Variants in C8orf34 observed in about 807,000 individuals in gnomAD.
C8orf34 encodes the protein uncharacterized protein C8orf34.
A neutral mutation model predicts 68.3 loss-of-function variants in C8orf34; 65 were observed. The ratio of observed to expected loss-of-function variants is 0.95; its 90% CI spans 0.78 to 1.17. The LOEUF (loss-of-function observed/expected upper bound fraction) is 1.17. Among genes scored for constraint, C8orf34 ranks in the 50% most tolerant of loss-of-function variants. The pLI, the probability that C8orf34 is intolerant of heterozygous loss-of-function variation, is 0.00. For missense variants in C8orf34, 664 were observed against 655.4 expected (o/e 1.01, Z -0.14); for synonymous variants, 244 against 241.2 (o/e 1.01, Z -0.11).
chr8:68,719,233 A>G (rs748771914), intron 9 of C8orf34, among the ~76,000 whole-genome samples: 3 of 152,070 alleles, frequency 2.0e-5, no homozygotes, highest in Non-Finnish European at 2.9e-5. Flanking sequence ...GGCAGTATCC[A>G]TTTGACTTCA....
intron 8 of C8orf34, among the ~76,000 whole-genome samples, chr8:68,689,041 C>T (rs1423640372): frequency 6.6e-6 from 1 of 151,954 alleles, no homozygotes; most frequent in Non-Finnish European, 1.5e-5. Flanking sequence ...GGTATAAATA[C>T]ACCATGAAAT....
At chr8:68,568,058 C>CT (rs1015082669) in intron 7 of C8orf34, among the ~76,000 whole-genome samples, 2 of 151,918 alleles carry the variant, frequency 1.3e-5, no homozygotes, top group African/African-American at 4.8e-5. Context: ...AGGGGGATGG[C>CT]TAGTTTGGGG....
chr8:68,764,331 T>C (rs1439938830), intron 10 of C8orf34, among the ~76,000 whole-genome samples: 3 of 152,196 alleles, frequency 2.0e-5, no homozygotes, highest in African/African-American at 7.2e-5. Flanking sequence ...ACAGTTTATG[T>C]GATAGTTTGT....
intron 4 of C8orf34, among the ~76,000 whole-genome samples, chr8:68,471,515 T>A (rs193293824): frequency 4.8e-4 from 73 of 152,290 alleles, no homozygotes; most frequent in Non-Finnish European, 1.5e-5. Flanking sequence ...TTCCTCCAAC[T>A]GGAACCAGGA....
chr8:68,790,819 A>G (rs1823973512), intron 12 of C8orf34: 1 of 700,070 alleles, frequency 1.4e-6, no homozygotes, highest in Non-Finnish European at 2.6e-6. Flanking sequence ...TTTCAGACCT[A>G]CTAAATCAGA....
intron 7 of C8orf34, among the ~76,000 whole-genome samples, chr8:68,590,092 G>T (rs1817340944): frequency 7.3e-6 from 1 of 137,496 alleles, no homozygotes; most frequent in Admixed American, 7.9e-5. Context: ...AATGAAAGAA[G>T]GAACGAAAGA....
Position 68,708,958 on chromosome 8 carries a change from T to C in C8orf34, c.1242-36T>C, listed in dbSNP as rs770829369. The C allele has an allele frequency of 7.6e-6, 11 of 1,452,138 alleles. No individual in the cohort carries two copies. The South Asian group carries it at 1.3e-4, about 17-fold the overall frequency. The allele number at this position is 1,452,138 out of a possible 1,614,324, so 90.0% of individuals were successfully genotyped here. On this transcript the variant is annotated intron_variant, in intron 8 of 13. Transcript: ENST00000518698. Reference sequence around the variant, plus strand: ...TAGTTCACATTTCACAATTTAACATTATGAGATGTTTCAATGATCATTTTT... The same window carrying C: ...TAGTTCACATTTCACAATTTAACATCATGAGATGTTTCAATGATCATTTTT...
intron 1 of C8orf34, among the ~76,000 whole-genome samples, chr8:68,342,071 T>C (rs1806093197): frequency 6.6e-6 from 1 of 152,220 alleles, no homozygotes; most frequent in South Asian, 2.1e-4. Flanking sequence ...GAGTAGATTT[T>C]AGATTTTTAC....
At chr8:68,788,402 G>T (rs1489041379) in intron 12 of C8orf34, among the ~76,000 whole-genome samples, 1 of 152,142 alleles carries the variant, frequency 6.6e-6, no homozygotes, top group Admixed American at 6.5e-5. Context: ...CCATACTGTG[G>T]GTTTATGTGG....
intron 10 of C8orf34, among the ~76,000 whole-genome samples, chr8:68,745,660 G>A (rs868819354): frequency 0.022 from 3,374 of 152,008 alleles, 114 homozygotes; most frequent in African/African-American, 0.076. Flanking sequence ...AATGGTAAAG[G>A]GATCAATTCA....
intron 8 of C8orf34, among the ~76,000 whole-genome samples, chr8:68,663,290 G>A (rs538168561): frequency 2.4e-4 from 36 of 152,236 alleles, no homozygotes; most frequent in African/African-American, 8.2e-4. Flanking sequence ...CAAGTGATTT[G>A]CTCATTTATC....
chr8:68,738,929 T>C (rs1822200524), intron 10 of C8orf34, among the ~76,000 whole-genome samples: 1 of 152,038 alleles, frequency 6.6e-6, no homozygotes, highest in African/African-American at 2.4e-5. Context: ...TCCCTAACAT[T>C]CTATGAGGCC....
chr8:68,457,965 A>C (rs1247833334), intron 3 of C8orf34, among the ~76,000 whole-genome samples: 2 of 152,022 alleles, frequency 1.3e-5, no homozygotes, highest in Non-Finnish European at 2.9e-5. Flanking sequence ...TTCTCATCCA[A>C]AGACGGCATA....
chr8:68,622,210 A>T (rs534186705), intron 7 of C8orf34, among the ~76,000 whole-genome samples: 2 of 152,364 alleles, frequency 1.3e-5, no homozygotes, highest in South Asian at 4.1e-4. Flanking sequence ...CCAAGAAAGC[A>T]ATAAAGTATG....
rs1812307762 is a variant in C8orf34 at position 68,469,890 on chromosome 8, TTA to T, written c.736+1076_736+1077del. ...AAGAAGTTTATATATATATATATGC[TTA>T]TATATGTAATTATAATTATACATAT... On this transcript the variant is annotated intron_variant, in intron 4 of 13. Coordinates refer to ENST00000518698, the MANE Select transcript of C8orf34 (RefSeq NM_052958.4). 1.1e-4 allele frequency among the ~76,000 whole-genome samples: 16 copies of T among 149,696 alleles called. No individual in the cohort carries two copies. In the South Asian group the frequency reaches 3.4e-3, roughly 32 times the overall value.
chr8:68,503,103 G>A (rs1458094747), intron 5 of C8orf34, among the ~76,000 whole-genome samples: 1 of 152,190 alleles, frequency 6.6e-6, no homozygotes, highest in Non-Finnish European at 1.5e-5. Context: ...TAGATTAAGA[G>A]AAATGTAATA....
At chr8:68,554,057 A>G (rs1277448409) in intron 7 of C8orf34, among the ~76,000 whole-genome samples, 2 of 152,102 alleles carry the variant, frequency 1.3e-5, no homozygotes, top group Non-Finnish European at 2.9e-5. Flanking sequence ...CTCAAGTCAA[A>G]TTGGTTAGCA....
upstream of C8orf34, chr8:68,330,747 T>G (rs1449629182): frequency 1.9e-5 from 7 of 371,758 alleles, no homozygotes; most frequent in Non-Finnish European, 3.3e-5. Flanking sequence ...CCCGGGCTGT[T>G]TGTTCCGTCA....
At chr8:68,743,486 G>T (rs1822366871) in intron 10 of C8orf34, among the ~76,000 whole-genome samples, 1 of 152,102 alleles carries the variant, frequency 6.6e-6, no homozygotes, top group Non-Finnish European at 1.5e-5. Context: ...GCCAGACAGT[G>T]GGTGCAGGTC....
Sources: gnomAD v4.1 joint callset for allele counts (sites outside exome capture counted in the v4.1 genomes callset) on GRCh38, gnomAD v4.1.1 for gene constraint, MANE v1.5 for transcripts, NCBI Gene and HGNC (gene_info 2026-07-23, HGNC 2026-07-21) for gene names.